Variants in EPHA6 observed in about 807,000 individuals in gnomAD.
The protein encoded by EPHA6 is ephrin type-A receptor 6.
A neutral mutation model predicts 112.0 loss-of-function variants in EPHA6; 50 were observed. The observed-to-expected ratio is 0.45, with a 90% CI of 0.36 to 0.56. The LOEUF is 0.56. EPHA6 is among the 20% of genes least tolerant of loss of function. The pLI, the probability that EPHA6 is intolerant of heterozygous loss-of-function variation, is 0.00. For synonymous variants in EPHA6, 529 were observed against 490.7 expected (o/e 1.08, Z -1.03); for missense variants, 1,280 against 1,417.4 (o/e 0.90, Z 1.56).
intron 2 of EPHA6, among the ~76,000 whole-genome samples, chr3:96,901,255 A>G (rs1378154972): frequency 6.6e-6 from 1 of 151,840 alleles, no homozygotes; most frequent in Non-Finnish European, 1.5e-5. Flanking sequence ...ATTAACATGG[A>G]TAAATGAAAA....
At chr3:97,456,354 A>G (rs1037732016) in intron 7 of EPHA6, among the ~76,000 whole-genome samples, 18 of 152,036 alleles carry the variant, frequency 1.2e-4, no homozygotes, top group African/African-American at 3.6e-4. Context: ...GCTGTATATC[A>G]GATTCTTAGA....
chr3:96,903,853 A>G (rs1472858833), intron 2 of EPHA6, among the ~76,000 whole-genome samples: 1 of 152,194 alleles, frequency 6.6e-6, no homozygotes, highest in Non-Finnish European at 1.5e-5. Context: ...GACACATGAA[A>G]AAATGCTCAT....
At chr3:97,239,009 T>G (rs1284452221) in intron 4 of EPHA6, among the ~76,000 whole-genome samples, 1 of 151,978 alleles carries the variant, frequency 6.6e-6, no homozygotes, top group Non-Finnish European at 1.5e-5. Context: ...AAATCCTGAT[T>G]GATGGGACTA....
At chr3:96,829,949 G>GCGCGCGCGCGCGCACA (rs373416797) in intron 1 of EPHA6, among the ~76,000 whole-genome samples, 1 of 136,034 alleles carries the variant, frequency 7.4e-6, no homozygotes, top group African/African-American at 3.0e-5. Flanking sequence ...GCGCGCGCGC[G>GCGCGCGCGCGCGCACA]CACACACACA....
chr3:97,727,891 G>A (rs2107819714), intron 15 of EPHA6, among the ~76,000 whole-genome samples: 1 of 152,032 alleles, frequency 6.6e-6, no homozygotes, highest in Admixed American at 6.6e-5. Context: ...ATTCAAATAA[G>A]TTTCAAGGAG....
chr3:97,474,452 G>T (rs1371892898), intron 7 of EPHA6, among the ~76,000 whole-genome samples: 1 of 151,896 alleles, frequency 6.6e-6, no homozygotes, highest in Non-Finnish European at 1.5e-5. Flanking sequence ...ATGGAGAAAT[G>T]AGACAAAACC....
intron 5 of EPHA6, among the ~76,000 whole-genome samples, chr3:97,259,813 T>G (rs1436849273): frequency 6.6e-6 from 1 of 151,940 alleles, no homozygotes; most frequent in African/African-American, 2.4e-5. Flanking sequence ...CTTTTTTTTT[T>G]TTTTTGAGAC....
At chr3:97,380,704 G>T (rs1298667237) in intron 5 of EPHA6, among the ~76,000 whole-genome samples, 2 of 152,184 alleles carry the variant, frequency 1.3e-5, no homozygotes, top group East Asian at 3.8e-4. Flanking sequence ...TTTAAAAAAT[G>T]TAACTTGTCT....
chr3:96,987,426 A>G lies in EPHA6; in HGVS notation c.547A>G (p.Thr183Ala), dbSNP rs1446191282. 1 of 1,613,978 alleles carries G rather than the reference A, an allele frequency of 6.2e-7. No individual in the cohort carries two copies. Among genetic ancestry groups the G allele is most frequent in the East Asian group, 2.2e-5 (1 of 44,886 alleles). The change falls in exon 3 of 18, where the codon ACA becomes GCA. Residue 183 changes from threonine to alanine, a missense_variant. Transcript: ENST00000389672. Reference sequence around the variant, plus strand: ...ACCAAACCAAAACAACTGGCTTCGTACAAACTGGATCTCCCGTGATGCAGC... The same window carrying G: ...ACCAAACCAAAACAACTGGCTTCGTGCAAACTGGATCTCCCGTGATGCAGC... Reference protein sequence around the residue: ...MEPNQNNWLRTNWISRDAAQK... With the variant: ...MEPNQNNWLRANWISRDAAQK...
chr3:97,328,027 ATG>A (rs1266827441), intron 5 of EPHA6, among the ~76,000 whole-genome samples: 1 of 127,592 alleles, frequency 7.8e-6, no homozygotes, highest in Non-Finnish European at 1.6e-5. Flanking sequence ...ATATATGTAT[ATG>A]TGTATATATA....
At chr3:97,307,449 T>C (rs1004350844) in intron 5 of EPHA6, among the ~76,000 whole-genome samples, 2 of 151,802 alleles carry the variant, frequency 1.3e-5, no homozygotes, top group Non-Finnish European at 2.9e-5. Flanking sequence ...CATTGGGCTA[T>C]TTTTATCATG....
chr3:97,360,788 A>G (rs774622539), intron 5 of EPHA6, among the ~76,000 whole-genome samples: 58 of 152,344 alleles, frequency 3.8e-4, no homozygotes, highest in Non-Finnish European at 7.4e-4. Context: ...ACATAATCTC[A>G]TGTAGTATTT....
rs1421156152 is a variant in EPHA6, at chr3:97,532,524, A to T, written c.2367A>T (p.Leu789=). The T allele has an allele frequency of 1.9e-6, 3 of 1,605,824 alleles. No individual in the cohort carries two copies. The East Asian group carries it at 6.7e-5, about 36-fold the overall frequency. The part of the protein sequence containing the change: ...GQFDHPNIIR[L]EGVVTKRSFP... ...TTGACCATCCAAACATCATTCGCCT[A>T]GAAGGGGTTGTCACCAAAAGTAAGT... The change falls in exon 11 of 18, where the codon CTA becomes CTT. Residue 789 remains leucine (L), a synonymous_variant. Coordinates refer to ENST00000389672, the MANE Select transcript of EPHA6 (RefSeq NM_001080448.3).
intron 7 of EPHA6, among the ~76,000 whole-genome samples, chr3:97,462,034 G>A (rs1363924814): frequency 3.9e-5 from 6 of 152,112 alleles, no homozygotes; most frequent in Non-Finnish European, 4.4e-5. Flanking sequence ...ATGTCTCAGT[G>A]CAAACAGACA....
chr3:97,449,297 A>G (rs986982471), intron 7 of EPHA6, among the ~76,000 whole-genome samples: 2 of 152,098 alleles, frequency 1.3e-5, no homozygotes, highest in Non-Finnish European at 2.9e-5. Context: ...TCTTTTATTC[A>G]TTCTAAACCC....
chr3:96,945,895 A>G lies in EPHA6; in HGVS notation c.451-41435A>G, dbSNP rs138428394. ...ATTCACACTTTTTGTTGTACATGCT[A>G]TGGATTGAGATAAATTTAAAATACC... On this transcript the variant is annotated intron_variant, in intron 2 of 17. Coordinates refer to ENST00000389672, the MANE Select transcript of EPHA6 (RefSeq NM_001080448.3). Among the ~76,000 whole-genome samples the G allele has an allele frequency of 2.5e-3, 380 of 152,218 alleles. 4 individuals are homozygous for G. The highest frequency in any genetic ancestry group is 7.9e-3 in the East Asian group (41 of 5,164).
At chr3:97,226,533 T>C (rs2078361509) in intron 4 of EPHA6, 114 bp downstream of exon 4, 1 of 965,884 alleles carries the variant, frequency 1.0e-6, no homozygotes, top group Non-Finnish European at 1.5e-6. Context: ...ATGCCATTTG[T>C]CTGTGATAAC....
chr3:96,916,297 A>G (rs1263540407), intron 2 of EPHA6, among the ~76,000 whole-genome samples: 1 of 152,184 alleles, frequency 6.6e-6, no homozygotes, highest in Non-Finnish European at 1.5e-5. Context: ...ATACTGATCT[A>G]TGTAAAACAG....
At chr3:96,942,392 G>T (rs527885338) in intron 2 of EPHA6, among the ~76,000 whole-genome samples, 3 of 152,168 alleles carry the variant, frequency 2.0e-5, no homozygotes, top group African/African-American at 7.2e-5. Flanking sequence ...GCGTGACTCC[G>T]TGGGCCTAGG....
Sources: allele counts gnomAD v4.1 joint callset (sites outside exome capture counted in the v4.1 genomes callset), GRCh38; gene constraint gnomAD v4.1.1; transcripts MANE v1.5; gene names NCBI Gene and HGNC (gene_info 2026-07-23, HGNC 2026-07-21).